The following SMARCA2 variants were observed in gnomAD, a reference collection of about 807,000 sequenced individuals.
SMARCA2 encodes the protein SWI/SNF-related matrix-associated actin-dependent regulator of chromatin subfamily A member 2.
SMARCA2 carries 61 observed loss-of-function variants against 199.8 expected under a neutral mutation model. That is an observed-to-expected ratio of 0.31 (90% CI 0.25 to 0.38). The LOEUF is 0.38. Among genes scored for constraint, SMARCA2 ranks in the 10% least tolerant of loss-of-function variants. The pLI, the probability that SMARCA2 is intolerant of heterozygous loss-of-function variation, is 1.00. For synonymous variants in SMARCA2, 935 were observed against 732.0 expected (o/e 1.28, Z -4.48); for missense variants, 1,344 against 2,012.2 (o/e 0.67, Z 6.35).
chr9:2,104,300 T>C lies in SMARCA2; in HGVS notation c.3292+131T>C. On this transcript the variant is annotated intron_variant, in intron 23 of 33. Transcript: ENST00000349721. This position sits in a 1 kb window ranked among gnomAD's most constrained non-coding sequence, Gnocchi z 4.0. ...TTGACTAGAAGCATTGGGAGCAGTTTTTCTAGATAGCAATTTTTTGCATCC... is the reference window on the plus strand; with the variant it reads ...TTGACTAGAAGCATTGGGAGCAGTTCTTCTAGATAGCAATTTTTTGCATCC... 1 of 810,012 alleles carries C rather than the reference T, an allele frequency of 1.2e-6. No homozygotes were observed. The allele number at this position is 810,012 out of a possible 1,614,324, so 50.2% of individuals were successfully genotyped here.
intron 32 of SMARCA2, among the ~76,000 whole-genome samples, chr9:2,190,173 T>C (rs553161233): frequency 3.9e-5 from 6 of 152,362 alleles, no homozygotes; most frequent in Admixed American, 2.6e-4. Flanking sequence ...AGTGTTTCCA[T>C]TGGTATCCCC....
intron 29 of SMARCA2, among the ~76,000 whole-genome samples, chr9:2,180,818 T>G (rs1826969780): frequency 6.6e-6 from 1 of 152,182 alleles, no homozygotes; most frequent in Non-Finnish European, 1.5e-5. Context: ...CTATAGAACC[T>G]GCTTTCAAAT....
chr9:2,168,859 C>T (rs1271837258), intron 28 of SMARCA2, among the ~76,000 whole-genome samples: 2 of 152,126 alleles, frequency 1.3e-5, no homozygotes, highest in Non-Finnish European at 2.9e-5. Context: ...TGTTCAGAAC[C>T]CACTGAGTTG....
At chr9:2,078,498 GT>G (rs1352470715) in intron 14 of SMARCA2, among the ~76,000 whole-genome samples, 11 of 151,418 alleles carry the variant, frequency 7.3e-5, no homozygotes, top group African/African-American at 2.7e-4. Context: ...CAATAAAATT[GT>G]GAGCATCTGT....
At chr9:2,100,004 C>G (rs1822440713) in intron 21 of SMARCA2, among the ~76,000 whole-genome samples, 1 of 152,110 alleles carries the variant, frequency 6.6e-6, no homozygotes, top group Non-Finnish European at 1.5e-5. Flanking sequence ...TGCCACAGGG[C>G]TGGAGCCTAC....
intron 27 of SMARCA2, among the ~76,000 whole-genome samples, chr9:2,149,094 A>G (rs1266783315): frequency 2.0e-5 from 3 of 151,168 alleles, no homozygotes; most frequent in African/African-American, 7.3e-5. Context: ...GACATACCTG[A>G]GACTGGGAAG....
chr9:2,158,739 AAC>A (rs964495491), intron 27 of SMARCA2: 2 of 438,498 alleles, frequency 4.6e-6, no homozygotes, highest in Admixed American at 4.2e-5. Flanking sequence ...AAAATAAAAG[AAC>A]AGTTTAAAAT....
Position 2,039,767 on chromosome 9 carries a change from G to A in SMARCA2, c.657G>A (p.Gln219=), listed in dbSNP as rs1819502702. The part of the protein sequence containing the change: ...KRTLPGLQQQ[Q]QQQQQQQQQQ... ...CGTTGCCTGGCTTGCAGCAACAACA[G>A]CAGCAGCAACAGCAGCAGCAGCAGC... Residue 219 remains glutamine, a synonymous_variant, in exon 4 of 34, where the codon CAG becomes CAA. Transcript: ENST00000349721. The surrounding 1 kb of genome is among the most constrained non-coding windows in gnomAD (Gnocchi z 4.8). The A allele has an allele frequency of 2.5e-6, 4 of 1,608,278 alleles. No homozygotes were observed. The highest frequency in any genetic ancestry group is 1.1e-5 in the South Asian group (1 of 90,646).
intron 2 of SMARCA2, among the ~76,000 whole-genome samples, chr9:2,031,753 T>C (rs1445825559): frequency 6.6e-6 from 1 of 152,240 alleles, no homozygotes; most frequent in African/African-American, 2.4e-5. Context: ...GATAGTTCCC[T>C]GCGTGAGGAC....
chr9:2,124,547 A>G (rs1347472208), intron 27 of SMARCA2, among the ~76,000 whole-genome samples: 2 of 152,184 alleles, frequency 1.3e-5, no homozygotes, highest in African/African-American at 4.8e-5. Flanking sequence ...AAAGCACAGA[A>G]TCGGTGGGTG....
chr9:2,028,549 T>G (rs1055749521), intron 1 of SMARCA2, among the ~76,000 whole-genome samples: 2 of 152,234 alleles, frequency 1.3e-5, no homozygotes, highest in African/African-American at 4.8e-5. Flanking sequence ...CCCACTCACT[T>G]ATGAAAATGA....
At chr9:2,046,205 A>G (rs1240001287) in intron 4 of SMARCA2, among the ~76,000 whole-genome samples, 3 of 152,210 alleles carry the variant, frequency 2.0e-5, no homozygotes, top group Non-Finnish European at 4.4e-5. Flanking sequence ...TAGCATCACT[A>G]AAATTATAAT....
rs1411298336 is a variant in SMARCA2 at position 2,163,294 on chromosome 9, A to G, written c.4199+1391A>G. Among the ~76,000 whole-genome samples, 5 of 152,180 alleles carry G rather than the reference A, an allele frequency of 3.3e-5. No individual in the cohort carries two copies. In the East Asian group the frequency reaches 9.6e-4, roughly 29 times the overall value. On this transcript the variant is annotated intron_variant, in intron 28 of 33. Transcript: ENST00000349721. ...TTTCCTTTTTTCAAAAAATAAATTA[A>G]GTTCATCCCCTTTAAGGCTTCTGAA...
Position 2,123,966 on chromosome 9 carries a change from A to T in SMARCA2, c.3981+29A>T. On this transcript the variant is annotated intron_variant, in intron 27 of 33. Coordinates refer to ENST00000349721, the MANE Select transcript of SMARCA2 (RefSeq NM_003070.5). The surrounding 1 kb of genome is among the most constrained non-coding windows in gnomAD (Gnocchi z 4.1). ...AGCCTAGCTTTTCTAACCCGCTCTC[A>T]CTAGGTGGAGGGTTTTTGGTGGCTT... The T allele has an allele frequency of 6.5e-7, 1 of 1,530,564 alleles. No homozygotes were observed. The highest frequency in any genetic ancestry group is 8.9e-7 in the Non-Finnish European group (1 of 1,129,030). The allele number at this position is 1,530,564 out of a possible 1,614,324, so 94.8% of individuals were successfully genotyped here.
chr9:2,181,687 T>G lies in SMARCA2; in HGVS notation c.4359+11T>G. On this transcript the variant is annotated intron_variant, in intron 30 of 33. Transcript: ENST00000349721. ...TTCAAAAAAATAAAGGTAGATATTT[T>G]GTTTACCAACTTTATTCTTCAAGTA... 7.9e-7 allele frequency: 1 copy of G among 1,268,400 alleles called. No individual in the cohort carries two copies. The highest frequency in any genetic ancestry group is 2.3e-5 in the East Asian group (1 of 43,320). The allele number at this position is 1,268,400 out of a possible 1,614,324, so 78.6% of individuals were successfully genotyped here.
At position 2,186,081 on chromosome 9, in the gene SMARCA2, C is replaced by T. The variant is rs768625044; in HGVS notation, c.4462-15C>T. On this transcript the variant is annotated splice_polypyrimidine_tract_variant and intron_variant, in intron 31 of 33. Coordinates refer to ENST00000349721, the MANE Select transcript of SMARCA2 (RefSeq NM_003070.5). ...TCAGCTTGCAGTTTTAACAGATGCCCCTTTGACCATTTAGATCTATGAAGA... is the reference window on the plus strand; with the variant it reads ...TCAGCTTGCAGTTTTAACAGATGCCTCTTTGACCATTTAGATCTATGAAGA... 6 of 1,612,498 alleles carry T rather than the reference C, an allele frequency of 3.7e-6. No homozygotes were observed. The highest frequency in any genetic ancestry group is 5.1e-6 in the Non-Finnish European group (6 of 1,179,080).
chr9:2,044,968 T>C (rs1819775047), intron 4 of SMARCA2: 1 of 152,200 alleles, frequency 6.6e-6, no homozygotes, highest in Non-Finnish European at 1.5e-5. Flanking sequence ...ATGAAAGATA[T>C]GCTTTGGGTA....
rs369631935 is a variant in SMARCA2 at position 2,123,672 on chromosome 9, C to A, written c.3763-47C>A. The A allele has an allele frequency of 9.3e-5, 143 of 1,533,892 alleles. 4 individuals carry two copies. Among genetic ancestry groups the A allele is most frequent in the East Asian group, 8.4e-4 (37 of 44,240 alleles). ...TTGTGTAGTGCTGGGAAGTCTGCACCATACAGAAGCCCTGACTTTCGGTGA... is the reference window on the plus strand; with the variant it reads ...TTGTGTAGTGCTGGGAAGTCTGCACAATACAGAAGCCCTGACTTTCGGTGA... On this transcript the variant is annotated intron_variant, in intron 26 of 33. Transcript: ENST00000349721. This position sits in a 1 kb window ranked among gnomAD's most constrained non-coding sequence, Gnocchi z 4.1.
chr9:2,050,700 G>T (rs1820080459), intron 5 of SMARCA2, among the ~76,000 whole-genome samples: 1 of 151,008 alleles, frequency 6.6e-6, no homozygotes. Flanking sequence ...ACCAGTAGCT[G>T]CTTTACCAGC....
Sources: allele counts gnomAD v4.1 joint callset (sites outside exome capture counted in the v4.1 genomes callset), GRCh38; gene constraint gnomAD v4.1.1; non-coding constraint Gnocchi (gnomAD v3.1); transcripts MANE v1.5; gene names NCBI Gene and HGNC (gene_info 2026-07-23, HGNC 2026-07-21).